ARAF: variants seen among roughly 807,000 people sequenced by gnomAD.
The protein encoded by ARAF is A-Raf proto-oncogene, serine/threonine kinase.
A neutral mutation model predicts 48.0 loss-of-function variants in ARAF; 18 were observed. The observed-to-expected ratio is 0.37, with a 90% confidence interval of 0.26 to 0.56. The LOEUF (loss-of-function observed/expected upper bound fraction) is 0.56, where lower values mean the gene tolerates loss of function less well. ARAF is among the 20% of genes least tolerant of loss of function. The probability of loss-of-function intolerance (pLI) is 0.77; values close to 1 mark genes in which losing one functional copy is unlikely to be tolerated. For missense variants in ARAF, 389 were observed against 543.1 expected (o/e 0.72, Z 2.82); for synonymous variants, 207 against 220.1 (o/e 0.94, Z 0.53).
At chrX:47,570,287 A>C in intron 14 of ARAF, 1 of 314,773 alleles carries the variant, frequency 3.2e-6, no homozygotes, top group East Asian at 5.2e-5. Context: ...CCGAATCTCT[A>C]TACCTAGAAT....
intron 10 of ARAF, among the ~76,000 whole-genome samples, chrX:47,567,771 T>A (rs1321003855): frequency 9.0e-6 from 1 of 110,943 alleles, no homozygotes; most frequent in Non-Finnish European, 1.9e-5. Flanking sequence ...TTCCTTCCCC[T>A]CTGCTTGGGC....
chrX:47,570,603 C>A (rs1420589903), intron 14 of ARAF, among the ~76,000 whole-genome samples: 1 of 110,561 alleles, frequency 9.0e-6, no homozygotes, highest in Non-Finnish European at 1.9e-5. Flanking sequence ...AGACTCAGTA[C>A]TTTCCAGGTC....
chrX:47,564,525 C>CGAGAA (rs2057723800), intron 3 of ARAF, among the ~76,000 whole-genome samples: 1 of 112,425 alleles, frequency 8.9e-6, no homozygotes, highest in Non-Finnish European at 1.9e-5. Context: ...ATTTGCTTCT[C>CGAGAA]CCCTTCCGTT....
Position 47,567,093 on chromosome X carries a change from C to T in ARAF, c.835C>T (p.Arg279Cys), listed in dbSNP as rs765113993. 6 of 1,210,142 alleles carry T rather than the reference C, an allele frequency of 5.0e-6. No homozygotes were observed. Among genetic ancestry groups the T allele is most frequent in the East Asian group, 3.0e-5 (1 of 33,772 alleles). ...SPHSKSPAEQ[R>C]ERKSLADDKK... ...ACATTCCAAGTCACCAGCAGAGCAG[C>T]GCGAGCGGAAGTCCTTGGCCGATGA... Residue 279 changes from arginine to cysteine, a missense_variant, in exon 9 of 16, where the codon CGC becomes TGC. By Grantham distance (180) the Arg-to-Cys change is radical. This residue lies in a region of ARAF where 154 missense variants were observed against 133.6 expected (regional missense o/e 1.15). Coordinates refer to ENST00000377045, the MANE Select transcript of ARAF (RefSeq NM_001654.5).
rs774656593 is a variant in ARAF, at chrX:47,564,241, C to T, written c.201-556C>T. Among the ~76,000 whole-genome samples the T allele has an allele frequency of 1.9e-3, 214 of 111,288 alleles. 1 individual carries two copies. The highest frequency in any genetic ancestry group is 6.5e-3 in the African/African-American group (198 of 30,605). ...AGGTCAGCAACTCATTCTCCCCTGG[C>T]CCCCAAGTCCTCACCCTGGTCCATC... On this transcript the variant is annotated intron_variant, in intron 3 of 15. Transcript: ENST00000377045.
In ARAF at chrX:47,563,014, G is replaced by T. The variant is rs765492001; in HGVS notation, c.47G>T (p.Arg16Leu). The T allele has an allele frequency of 1.7e-6, 2 of 1,196,212 alleles. No individual in the cohort carries two copies. Among genetic ancestry groups the T allele is most frequent in the East Asian group, 3.0e-5 (1 of 32,977 alleles). Residue 16 changes from arginine (R) to leucine (L), a missense_variant, in exon 2 of 16, where the codon CGG (arginine) becomes CTG (leucine). Coordinates refer to ENST00000377045, the MANE Select transcript of ARAF (RefSeq NM_001654.5). The part of the protein sequence containing the change: ...GPPANGAEPS[R>L]AVGTVKVYLP... ...CCTGCCAATGGGGCCGAGCCATCCC[G>T]GGCAGTGGGCACCGTCAAAGTATAC...
At chrX:47,568,342 T>C (rs1283369018) in intron 10 of ARAF, among the ~76,000 whole-genome samples, 1 of 110,846 alleles carries the variant, frequency 9.0e-6, no homozygotes, top group Admixed American at 9.6e-5. Context: ...GTGAGGAAGG[T>C]TGGCATTCTG....
rs1402792816 is a variant in ARAF at position 47,568,832 on chromosome X, C to T, written c.1191C>T (p.Ala397=). The change falls in exon 11 of 16, where the codon GCC becomes GCT. Residue 397 remains alanine (A), a synonymous_variant. Coordinates refer to ENST00000377045, the MANE Select transcript of ARAF (RefSeq NM_001654.5). The part of the protein sequence containing the change: ...GSSLYHHLHV[A]DTRFDMVQLI... ...GCCTCTACCATCACCTGCATGTGGCCGACACACGCTTCGACATGGTCCAGC... is the reference window on the plus strand; with the variant it reads ...GCCTCTACCATCACCTGCATGTGGCTGACACACGCTTCGACATGGTCCAGC... 7.4e-6 allele frequency: 9 copies of T among 1,210,691 alleles called. No individual in the cohort carries two copies. The Middle Eastern group carries it at 6.9e-4, about 93-fold the overall frequency.
chrX:47,571,210 T>TGGGTGG (rs2057755561), intron 15 of ARAF, 113 bp from the exon 16 acceptor site: 4 of 794,504 alleles, frequency 5.0e-6, no homozygotes, highest in African/African-American at 6.1e-5. Context: ...CTGGGACTGT[T>TGGGTGG]GGGTGTGTGT....
intron 1 of ARAF, among the ~76,000 whole-genome samples, chrX:47,561,968 G>C (rs1254744798): frequency 2.8e-5 from 2 of 72,660 alleles, no homozygotes; most frequent in Non-Finnish European, 4.8e-5. Context: ...AGTATGTAGT[G>C]ACCCCCCCCC....
chrX:47,571,358 C>T lies in ARAF; in HGVS notation c.1722C>T (p.Leu574=), dbSNP rs774850025. 5 of 1,211,184 alleles carry T rather than the reference C, an allele frequency of 4.1e-6. No homozygotes were observed. The South Asian group carries it at 5.3e-5, about 13-fold the overall frequency. ...LATIELLQRS[L]PKIERSASEP... is the part of the protein sequence containing the mutation. ...CAATTGAGCTGCTGCAACGGTCACTCCCCAAGATTGAGCGGAGTGCCTCGG... is the reference window on the plus strand; with the variant it reads ...CAATTGAGCTGCTGCAACGGTCACTTCCCAAGATTGAGCGGAGTGCCTCGG... Residue 574 remains leucine (L), a synonymous_variant, in exon 16 of 16, where the codon CTC becomes CTT. Coordinates refer to ENST00000377045, the MANE Select transcript of ARAF (RefSeq NM_001654.5).
chrX:47,571,478 G>A lies in ARAF; in HGVS notation c.*21G>A. 8.4e-7 allele frequency: 1 copy of A among 1,195,122 alleles called. No homozygotes were observed. Among genetic ancestry groups the A allele is most frequent in the Non-Finnish European group, 1.1e-6 (1 of 887,817 alleles). ...CTTAGGCCCCGCCCAAGCCACCAGG[G>A]AGCCAATCTCAGCCCTCCACGCCAA... On this transcript the variant is annotated 3_prime_UTR_variant, in exon 16 of 16. Transcript: ENST00000377045.
Position 47,567,280 on chromosome X carries a change from T to G in ARAF, c.924T>G (p.Ser308Arg). 3.3e-6 allele frequency: 4 copies of G among 1,211,308 alleles called. No individual in the cohort carries two copies. The highest frequency in any genetic ancestry group is 4.5e-6 in the Non-Finnish European group (4 of 895,349). ...DSGYYWEVPP[S>R]EVQLLKRIGT... ...GCTATTACTGGGAGGTACCACCCAGTGAGGTGCAGCTGCTGAAGAGGATCG... is the reference window on the plus strand; with the variant it reads ...GCTATTACTGGGAGGTACCACCCAGGGAGGTGCAGCTGCTGAAGAGGATCG... Residue 308 changes from serine to arginine, a missense_variant, in exon 10 of 16, where the codon AGT becomes AGG. By Grantham distance (110) the Ser-to-Arg change is moderately radical. Around this residue, in one of 4 missense-constraint regions of ARAF, gnomAD observed 170 missense variants for 281.4 expected, o/e 0.60. Transcript: ENST00000377045.
chrX:47,563,831 C>T (rs748716871), intron 3 of ARAF, among the ~76,000 whole-genome samples: 9 of 111,774 alleles, frequency 8.1e-5, no homozygotes, highest in African/African-American at 2.0e-4. Context: ...CAACACTACT[C>T]TTGTGCTTTT....
intron 14 of ARAF, among the ~76,000 whole-genome samples, chrX:47,570,481 C>T (rs2057750925): frequency 1.8e-5 from 2 of 110,795 alleles, no homozygotes; most frequent in African/African-American, 3.3e-5. Flanking sequence ...CCACAGTCAC[C>T]TAGGCCTTGG....
chrX:47,568,380 C>G (rs981785758), intron 10 of ARAF, among the ~76,000 whole-genome samples: 1 of 110,314 alleles, frequency 9.1e-6, no homozygotes, highest in Non-Finnish European at 1.9e-5. Context: ...TGGTCACAGA[C>G]CCAGGTAATG....
Position 47,571,405 on chromosome X carries a change from AGGCCGATGAGT to A in ARAF, c.1770_1780del (p.Gln590HisfsTer44). On this transcript the variant is annotated frameshift_variant, in exon 16 of 16. Coordinates refer to ENST00000377045, the MANE Select transcript of ARAF (RefSeq NM_001654.5). LOFTEE classifies it high-confidence loss of function. ...TCGGAACCCTCCTTGCACCGCACCC[AGGCCGATGAGT>A]TGCCTGCCTGCCTACTCAGCGCAGC... is the stretch of plus-strand genomic sequence containing the variant. 1 of 1,209,203 alleles carries A rather than the reference AGGCCGATGAGT, an allele frequency of 8.3e-7. No individual in the cohort carries two copies. Among genetic ancestry groups the A allele is most frequent in the African/African-American group, 1.7e-5 (1 of 57,797 alleles).
intron 15 of ARAF, 57 bp from the exon 16 acceptor site, chrX:47,571,266 G>A (rs2147910254): frequency 3.5e-6 from 4 of 1,147,205 alleles, no homozygotes; most frequent in East Asian, 6.2e-5. Context: ...TGAGGCTGGG[G>A]CTGTTGGGAT....
rs747707114 is a variant in ARAF at position 47,563,079 on chromosome X, G to A, written c.96+16G>A. On this transcript the variant is annotated intron_variant, in intron 2 of 15. Coordinates refer to ENST00000377045, the MANE Select transcript of ARAF (RefSeq NM_001654.5). ...ACGCACGGTGGTGAGTCATGGAAGC[G>A]AAATGGCAGGGGCTGTGGATGGACC... 1.8e-5 allele frequency: 21 copies of A among 1,181,378 alleles called. No individual in the cohort carries two copies. In the East Asian group the frequency reaches 4.6e-4, roughly 26 times the overall value.
Sources: allele counts gnomAD v4.1 joint callset (sites outside exome capture counted in the v4.1 genomes callset), GRCh38; gene constraint gnomAD v4.1.1; regional missense constraint gnomAD v4.1.1; transcripts MANE v1.5; gene names NCBI Gene and HGNC (gene_info 2026-07-23, HGNC 2026-07-21).